The following YIPF7 variants were observed in gnomAD, a reference collection of about 807,000 sequenced individuals.
YIPF7 encodes protein YIPF7.
A neutral mutation model predicts 27.2 loss-of-function variants in YIPF7; 35 were observed. The observed-to-expected ratio is 1.29, with a 90% confidence interval of 0.98 to 1.70. The LOEUF (loss-of-function observed/expected upper bound fraction) is 1.70, where lower values mean the gene tolerates loss of function less well. Ranked by LOEUF, YIPF7 falls within the 40% of genes most tolerant of loss-of-function variation. The pLI is 0.00. For missense variants in YIPF7, 358 were observed against 303.7 expected (o/e 1.18, Z -1.33); for synonymous variants, 137 against 110.4 (o/e 1.24, Z -1.51).
chr4:44,649,634 C>T (rs1400417111), intron 2 of YIPF7, among the ~76,000 whole-genome samples: 2 of 151,174 alleles, frequency 1.3e-5, no homozygotes, highest in Non-Finnish European at 2.9e-5. Context: ...AAAAAAATAG[C>T]CAGGCATGGT....
intron 2 of YIPF7, among the ~76,000 whole-genome samples, chr4:44,638,841 T>C (rs1205015451): frequency 6.6e-6 from 1 of 152,236 alleles, no homozygotes; most frequent in Admixed American, 6.5e-5. Context: ...TTTAAGTCTT[T>C]AATCCATCTT....
At position 44,633,690 on chromosome 4, in the gene YIPF7, TAAAC is replaced by T. The variant is rs1284616705; in HGVS notation, c.280+2228_280+2231del. 2.0e-5 allele frequency among the ~76,000 whole-genome samples: 3 copies of T among 149,210 alleles called. No homozygotes were observed. In the East Asian group the frequency reaches 5.9e-4, roughly 29 times the overall value. ...ATTTTTAATATGTCCCAAAGACCCA[TAAAC>T]AAATTAGGTGGCAAACACAAGCTAG... On this transcript the variant is annotated intron_variant, in intron 3 of 5. Transcript: ENST00000415895.
intron 1 of YIPF7, among the ~76,000 whole-genome samples, chr4:44,651,063 A>T (rs1057311362): frequency 1.1e-4 from 16 of 152,238 alleles, no homozygotes; most frequent in African/African-American, 3.9e-4. Context: ...TATGCTTATA[A>T]TAATCTATGG....
intron 4 of YIPF7, among the ~76,000 whole-genome samples, chr4:44,625,303 CA>C (rs968742973): frequency 3.3e-5 from 5 of 152,158 alleles, no homozygotes; most frequent in African/African-American, 1.2e-4. Context: ...CAACTTTACA[CA>C]TGAGGAAACT....
Position 44,650,062 on chromosome 4 carries a change from T to C in YIPF7, c.39A>G (p.Gln13=), listed in dbSNP as rs777715609. The stretch of plus-strand genomic sequence containing the variant: ...CCTGGTTATCAATAGTAAAATTAGA[T>C]TGGTAAAAATCAGAGTCAAATTGTG... The part of the protein sequence containing the change: ...NLAQFDSDFY[Q]SNFTIDNQEQ... The change falls in exon 2 of 6, where the codon CAA becomes CAG. Residue 13 remains glutamine (Q), a synonymous_variant. Coordinates refer to ENST00000415895, the MANE Select transcript of YIPF7 (RefSeq NM_182592.3). The C allele has an allele frequency of 1.9e-5, 30 of 1,581,280 alleles. No homozygotes were observed. Among genetic ancestry groups the C allele is most frequent in the East Asian group, 9.2e-5 (4 of 43,694 alleles).
intron 3 of YIPF7, 134 bp from the exon 4 acceptor site, chr4:44,629,682 T>C (rs1188013621): frequency 8.2e-6 from 5 of 608,730 alleles, no homozygotes; most frequent in Non-Finnish European, 1.3e-5. Flanking sequence ...TCATACCTTC[T>C]AAAGTTCTAT....
intron 2 of YIPF7, among the ~76,000 whole-genome samples, chr4:44,644,904 T>A (rs377403985): frequency 7.9e-5 from 12 of 152,270 alleles, no homozygotes; most frequent in African/African-American, 2.9e-4. Context: ...TGCTCTTTGA[T>A]AAAGTTATCA....
At chr4:44,622,657 G>A in intron 5 of YIPF7, 81 bp from the exon 6 acceptor site, 6 of 1,495,208 alleles carry the variant, frequency 4.0e-6, no homozygotes, top group Non-Finnish European at 3.6e-6. Context: ...AAATATCCTT[G>A]GCACAATATT....
intron 2 of YIPF7, among the ~76,000 whole-genome samples, chr4:44,659,684 T>C (rs1446872112): frequency 6.6e-6 from 1 of 152,196 alleles, no homozygotes; most frequent in East Asian, 1.9e-4. Context: ...AAGTTTATTT[T>C]AGTATATATT....
upstream of YIPF7, among the ~76,000 whole-genome samples, chr4:44,652,015 G>C (rs941090409): frequency 2.0e-5 from 3 of 152,076 alleles, no homozygotes; most frequent in Non-Finnish European, 2.9e-5. Context: ...AATGAGTTGT[G>C]GTCAATTTTA....
At chr4:44,646,850 G>A (rs149457336) in intron 2 of YIPF7, among the ~76,000 whole-genome samples, 1 of 152,214 alleles carries the variant, frequency 6.6e-6, no homozygotes, top group African/African-American at 2.4e-5. Flanking sequence ...GGAAACAGAA[G>A]CTGAATGACT....
intron 4 of YIPF7, among the ~76,000 whole-genome samples, chr4:44,628,960 C>T (rs6831166): frequency 0.21 from 32,096 of 151,978 alleles, 3,587 homozygotes; most frequent in Middle Eastern, 0.35. Flanking sequence ...AGATCTGTCT[C>T]GTACCTCATA....
At chr4:44,654,445 TC>T (rs933903422), upstream of YIPF7, among the ~76,000 whole-genome samples, 1 of 151,796 alleles carries the variant, frequency 6.6e-6, no homozygotes, top group Admixed American at 6.6e-5. Flanking sequence ...TTCTTTTCTC[TC>T]CCCCCTCTCT....
At chr4:44,637,555 T>C (rs1713171692) in intron 2 of YIPF7, among the ~76,000 whole-genome samples, 1 of 152,184 alleles carries the variant, frequency 6.6e-6, no homozygotes, top group Non-Finnish European at 1.5e-5. Context: ...TTTTGAAAAA[T>C]GTCTATTCAT....
chr4:44,626,763 C>CTTTTTTTTTTTT lies in YIPF7; in HGVS notation c.427-1993_427-1982dup, dbSNP rs71190269. Among the ~76,000 whole-genome samples the CTTTTTTTTTTTT allele has an allele frequency of 7.2e-3, 503 of 69,784 alleles. 95 individuals carry two copies. Among genetic ancestry groups the CTTTTTTTTTTTT allele is most frequent in the Non-Finnish European group, 8.8e-3 (361 of 41,082 alleles). 45.8% of individuals were successfully genotyped at this position (69,784 alleles called of 152,430 possible). On this transcript the variant is annotated intron_variant, in intron 4 of 5. Transcript: ENST00000415895. Reference sequence around the variant, plus strand: ...CCCTATTCCATCCTCATTAGCACATCTTTTTTTTTTTTTTTTTTTTTTTTT... The same window carrying CTTTTTTTTTTTT: ...CCCTATTCCATCCTCATTAGCACATCTTTTTTTTTTTTTTTTTTTTTTTTTTTTTTTTTTTTT...
chr4:44,623,424 A>G (rs1365667971), intron 5 of YIPF7, among the ~76,000 whole-genome samples: 4 of 152,170 alleles, frequency 2.6e-5, no homozygotes, highest in Non-Finnish European at 4.4e-5. Context: ...ATAGGTCAAG[A>G]TCTCTCCTAG....
At chr4:44,649,054 C>A (rs1713628724) in intron 2 of YIPF7, among the ~76,000 whole-genome samples, 1 of 152,056 alleles carries the variant, frequency 6.6e-6, no homozygotes, top group Admixed American at 6.6e-5. Context: ...TTGCCCAATT[C>A]TTCAACATAA....
At chr4:44,632,175 A>G (rs1332276471) in intron 3 of YIPF7, among the ~76,000 whole-genome samples, 1 of 152,194 alleles carries the variant, frequency 6.6e-6, no homozygotes, top group Non-Finnish European at 1.5e-5. Context: ...TATTTATTAT[A>G]AGGTATGTGA....
chr4:44,638,410 A>C (rs1223953326), intron 2 of YIPF7, among the ~76,000 whole-genome samples: 1 of 151,988 alleles, frequency 6.6e-6, no homozygotes, highest in East Asian at 1.9e-4. Flanking sequence ...GGACATAAAC[A>C]CAATTCTCAA....
Sources: allele counts gnomAD v4.1 joint callset (sites outside exome capture counted in the v4.1 genomes callset), GRCh38; gene constraint gnomAD v4.1.1; transcripts MANE v1.5; gene names NCBI Gene and HGNC (gene_info 2026-07-23, HGNC 2026-07-21).